The following COL26A1 variants were observed in gnomAD, a reference collection of about 807,000 sequenced individuals.
COL26A1 encodes the protein collagen type XXVI alpha 1 chain.
COL26A1 carries 41 observed loss-of-function variants against 59.3 expected under a neutral mutation model. That is an observed-to-expected ratio of 0.69 (90% CI 0.54 to 0.90). The LOEUF is 0.90. Ranked by LOEUF, COL26A1 falls within the 40% of genes least tolerant of loss-of-function variation. The probability of loss-of-function intolerance (pLI) is 0.00; values close to 1 mark genes in which losing one functional copy is unlikely to be tolerated. For missense variants in COL26A1, 612 were observed against 602.3 expected (o/e 1.02, Z -0.17); for synonymous variants, 266 against 256.0 (o/e 1.04, Z -0.37).
chr7:101,546,298 C>T (rs1368278774), intron 7 of COL26A1, among the ~76,000 whole-genome samples: 1 of 152,024 alleles, frequency 6.6e-6, no homozygotes, highest in Non-Finnish European at 1.5e-5. Flanking sequence ...GCAGTGGCGC[C>T]ATCATAGCTC....
At chr7:101,362,846 T>G (rs1790922150), upstream of COL26A1, 3 of 584,032 alleles carry the variant, frequency 5.1e-6, no homozygotes, top group East Asian at 1.0e-4. Flanking sequence ...TCGCCGAATT[T>G]GAAAAGGCGG....
intron 1 of COL26A1, among the ~76,000 whole-genome samples, chr7:101,410,140 T>C (rs570594366): frequency 1.3e-5 from 2 of 152,102 alleles, no homozygotes; most frequent in East Asian, 3.9e-4. Flanking sequence ...CATGAACTCT[T>C]AAGGGTGTTA....
intron 3 of COL26A1, among the ~76,000 whole-genome samples, chr7:101,509,400 C>T (rs145901393): frequency 4.6e-5 from 7 of 152,100 alleles, no homozygotes; most frequent in African/African-American, 9.6e-5. Flanking sequence ...AAGCTGAGAT[C>T]GTGCCACTGT....
intron 7 of COL26A1, 77 bp downstream of exon 7, chr7:101,545,567 A>G (rs1795719306): frequency 6.8e-7 from 1 of 1,469,970 alleles, no homozygotes; most frequent in Non-Finnish European, 9.0e-7. Context: ...TCCTTAAAGG[A>G]TCCTGGGAAG....
At position 101,533,144 on chromosome 7, in the gene COL26A1, G is replaced by C; in HGVS notation, c.447+1G>C. ...GCGACTGACCACACTGGAGGCCAAG[G>C]TCAGTCGGGCTGGGGAGTCTGGGCC... On this transcript the variant is annotated splice_donor_variant, in intron 4 of 12. Transcript: ENST00000313669. LOFTEE classifies it high-confidence loss of function. 1 of 1,600,892 alleles carries C rather than the reference G, an allele frequency of 6.2e-7. No homozygotes were observed. Among genetic ancestry groups the C allele is most frequent in the Non-Finnish European group, 8.5e-7 (1 of 1,175,212 alleles).
intron 3 of COL26A1, among the ~76,000 whole-genome samples, chr7:101,493,932 CA>C (rs35060753): frequency 0.42 from 50,910 of 120,038 alleles, 9,376 homozygotes; most frequent in Middle Eastern, 0.47. Flanking sequence ...GACTCTGTCT[CA>C]AAAAAAAAAA....
At chr7:101,541,686 C>T (rs547018874) in intron 5 of COL26A1, among the ~76,000 whole-genome samples, 1 of 152,178 alleles carries the variant, frequency 6.6e-6, no homozygotes, top group East Asian at 1.9e-4. Flanking sequence ...GAAGAATTTT[C>T]CCTCTGCAGA....
In COL26A1 at chr7:101,400,382, G is replaced by T. The variant is rs1014402381; in HGVS notation, c.159-19595G>T. On this transcript the variant is annotated intron_variant, in intron 1 of 12. Coordinates refer to ENST00000313669, the MANE Select transcript of COL26A1 (RefSeq NM_001278563.3). ...TTTTTTTTTTTTTTTTTTTTTTTGA[G>T]ATGGAGTCTCACTCTGTCACCCAGG... Among the ~76,000 whole-genome samples the T allele has an allele frequency of 2.9e-4, 22 of 76,996 alleles. 1 individual carries two copies. In the South Asian group the frequency reaches 9.7e-3, roughly 34 times the overall value. The allele number at this position is 76,996 out of a possible 152,430, so 50.5% of individuals were successfully genotyped here.
In COL26A1 at chr7:101,505,692, G is replaced by A. The variant is rs571374626; in HGVS notation, c.386-27390G>A. 2.9e-4 allele frequency among the ~76,000 whole-genome samples: 44 copies of A among 152,298 alleles called. No individual in the cohort carries two copies. The South Asian group carries it at 8.1e-3, about 28-fold the overall frequency. On this transcript the variant is annotated intron_variant, in intron 3 of 12. Coordinates refer to ENST00000313669, the MANE Select transcript of COL26A1 (RefSeq NM_001278563.3). ...GCGTGCTTTGTGTTTTGGCCACACC[G>A]GCAGCTGATTAGATGGTGCCCACCC...
At chr7:101,533,275 C>G in intron 4 of COL26A1, 132 bp downstream of exon 4, 1 of 700,574 alleles carries the variant, frequency 1.4e-6, no homozygotes, top group Non-Finnish European at 2.5e-6. Context: ...CTTGGACAGC[C>G]GGTCCCAGGT....
chr7:101,474,461 A>G (rs1793986321), intron 3 of COL26A1, among the ~76,000 whole-genome samples: 1 of 151,964 alleles, frequency 6.6e-6, no homozygotes, highest in Non-Finnish European at 1.5e-5. Context: ...GTATGGTGTC[A>G]CACACCTGTA....
intron 3 of COL26A1, among the ~76,000 whole-genome samples, chr7:101,501,992 C>T (rs1218972430): frequency 1.3e-5 from 2 of 152,210 alleles, no homozygotes; most frequent in Non-Finnish European, 2.9e-5. Context: ...ACACCTCCTC[C>T]AGGAAGCGTT....
In COL26A1 at chr7:101,363,100, T is replaced by C; in HGVS notation, c.68T>C (p.Phe23Ser). The change falls in exon 1 of 13, where the codon TTC (phenylalanine) becomes TCC (serine). Residue 23 changes from phenylalanine to serine, a missense_variant. Phe to Ser is a radical substitution (Grantham distance 155). Coordinates refer to ENST00000313669, the MANE Select transcript of COL26A1 (RefSeq NM_001278563.3). ...TGCGGGTCGGCGCTGGCCACCGGCT[T>C]CCTCTATCCCTTCTCGGCCGCAGCT... ...CLCGSALATG[F>S]LYPFSAAALQ... 3 of 1,563,336 alleles carry C rather than the reference T, an allele frequency of 1.9e-6. No homozygotes were observed. The highest frequency in any genetic ancestry group is 2.6e-6 in the Non-Finnish European group (3 of 1,163,524).
intron 2 of COL26A1, 68 bp downstream of exon 2, chr7:101,420,167 AT>A (rs1414509579): frequency 3.9e-5 from 62 of 1,583,080 alleles, no homozygotes; most frequent in Admixed American, 5.0e-5. Context: ...CAGTCCCAGG[AT>A]GGCTCTGGGA....
chr7:101,469,713 C>G (rs1385489616), intron 3 of COL26A1, among the ~76,000 whole-genome samples: 2 of 152,062 alleles, frequency 1.3e-5, no homozygotes, highest in African/African-American at 2.4e-5. Flanking sequence ...TGGTCTCGAA[C>G]TCCTGGCCTC....
At chr7:101,461,174 AGAG>A (rs1793601460) in intron 3 of COL26A1, among the ~76,000 whole-genome samples, 1 of 151,994 alleles carries the variant, frequency 6.6e-6, no homozygotes, top group Non-Finnish European at 1.5e-5. Context: ...TACATTTTGT[AGAG>A]ATAGGGTCTC....
chr7:101,432,932 C>T (rs1201640013), intron 2 of COL26A1, among the ~76,000 whole-genome samples: 2 of 152,072 alleles, frequency 1.3e-5, no homozygotes, highest in African/African-American at 2.4e-5. Context: ...GAACTCCTGA[C>T]CTCAGGTGAC....
intron 3 of COL26A1, among the ~76,000 whole-genome samples, chr7:101,511,876 C>G (rs148812756): frequency 6.6e-6 from 1 of 152,032 alleles, no homozygotes; most frequent in African/African-American, 2.4e-5. Flanking sequence ...ACCTGTAGTC[C>G]CAGCTACTCA....
chr7:101,524,414 T>C lies in COL26A1; in HGVS notation c.386-8668T>C, dbSNP rs570608237. On this transcript the variant is annotated intron_variant, in intron 3 of 12. Coordinates refer to ENST00000313669, the MANE Select transcript of COL26A1 (RefSeq NM_001278563.3). ...TTATCAGGCACCTACAGCCAGAAAA[T>C]GCTCTGTTGTTTCCAGAGGTATAGA... 5.3e-5 allele frequency among the ~76,000 whole-genome samples: 8 copies of C among 152,110 alleles called. 1 individual carries two copies. The South Asian group carries it at 1.7e-3, about 32-fold the overall frequency.
Sources: gnomAD v4.1 joint callset for allele counts (sites outside exome capture counted in the v4.1 genomes callset) on GRCh38, gnomAD v4.1.1 for gene constraint, MANE v1.5 for transcripts, NCBI Gene and HGNC (gene_info 2026-07-23, HGNC 2026-07-21) for gene names.